Variants in LRRC74A observed in about 807,000 individuals in gnomAD.
The protein encoded by LRRC74A is leucine-rich repeat-containing protein 74A.
A neutral mutation model predicts 57.9 loss-of-function variants in LRRC74A; 44 were observed. The observed-to-expected ratio is 0.76, with a 90% CI of 0.60 to 0.98. The LOEUF is 0.98. Ranked by LOEUF, LRRC74A falls within the 50% of genes least tolerant of loss-of-function variation. The pLI, the probability that LRRC74A is intolerant of heterozygous loss-of-function variation, is 0.00. For synonymous variants in LRRC74A, 211 were observed against 219.4 expected (o/e 0.96, Z 0.34); for missense variants, 572 against 574.0 (o/e 1.00, Z 0.04).
chr14:76,844,391 A>G, intron 5 of LRRC74A, 32 bp from the exon 6 acceptor site: 1 of 1,601,766 alleles, frequency 6.2e-7, no homozygotes, highest in Non-Finnish European at 8.5e-7. Context: ...ATGGTCTAGC[A>G]GTGCATCACT....
At chr14:76,831,018 G>A (rs755032438) in intron 2 of LRRC74A, among the ~76,000 whole-genome samples, 185 bp from the exon 3 acceptor site, 4 of 152,232 alleles carry the variant, frequency 2.6e-5, no homozygotes, top group African/African-American at 4.8e-5. Flanking sequence ...ACTTTCTGGA[G>A]TTAGAGTCTC....
chr14:76,855,609 G>A (rs1366658603), intron 9 of LRRC74A, among the ~76,000 whole-genome samples: 2 of 152,146 alleles, frequency 1.3e-5, no homozygotes, highest in African/African-American at 2.4e-5. Context: ...CAGCCCTGAT[G>A]CCCCTTGCCC....
At chr14:76,827,665 A>T (rs911659102) in intron 1 of LRRC74A, among the ~76,000 whole-genome samples, 1 of 152,176 alleles carries the variant, frequency 6.6e-6, no homozygotes, top group Non-Finnish European at 1.5e-5. Context: ...ATTACTATGA[A>T]TTAATCATAG....
chr14:76,863,420 C>T (rs75714711), intron 11 of LRRC74A, among the ~76,000 whole-genome samples: 6,109 of 152,224 alleles, frequency 0.04, 265 homozygotes, highest in East Asian at 0.11. Context: ...TCACTGCAGG[C>T]CTGTGTACGG....
intron 7 of LRRC74A, among the ~76,000 whole-genome samples, chr14:76,850,844 C>CAAAAA (rs36208311): frequency 8.4e-5 from 11 of 130,922 alleles, no homozygotes; most frequent in South Asian, 2.7e-4. Context: ...AACTCTGTCT[C>CAAAAA]AAAAAAAAAA....
intron 3 of LRRC74A, among the ~76,000 whole-genome samples, chr14:76,833,588 C>T (rs1220641210): frequency 2.0e-5 from 3 of 151,528 alleles, no homozygotes; most frequent in Non-Finnish European, 2.9e-5. Context: ...ATTACAGGTG[C>T]GCACCACCAT....
chr14:76,867,115 GA>G (rs1205692367), intron 12 of LRRC74A, among the ~76,000 whole-genome samples: 7 of 5,414 alleles, frequency 1.3e-3, no homozygotes, highest in South Asian at 0.011. Context: ...GTGTTGGGGG[GA>G]TGGGGTGTGT....
intron 9 of LRRC74A, among the ~76,000 whole-genome samples, 193 bp from the exon 10 acceptor site, chr14:76,857,181 AATGGAT>A (rs1897965963): frequency 7.7e-6 from 1 of 130,314 alleles, no homozygotes; most frequent in Admixed American, 8.2e-5. Context: ...TGGATGGATG[AATGGAT>A]GGATGGATGG....
Position 76,866,065 on chromosome 14 carries a change from T to A in LRRC74A, c.1298T>A (p.Val433Glu). ...ATGTCTGTGGATGAGTTCCAGAAAG[T>A]GATGATAGAGGTGTGCTGGGTCCTA... ...MKMSVDEFQKVMIEQNKVPLN... is the reference protein window; with the variant it reads ...MKMSVDEFQKEMIEQNKVPLN... The change falls in exon 12 of 14, where the codon GTG becomes GAG. Residue 433 changes from valine to glutamate, a missense_variant. Coordinates refer to ENST00000689127, the MANE Select transcript of LRRC74A (RefSeq NM_001385106.1). 1 of 1,557,538 alleles carries A rather than the reference T, an allele frequency of 6.4e-7. No individual in the cohort carries two copies. The highest frequency in any genetic ancestry group is 8.8e-7 in the Non-Finnish European group (1 of 1,135,266).
intron 9 of LRRC74A, among the ~76,000 whole-genome samples, chr14:76,853,839 G>T (rs957376440): frequency 6.6e-6 from 1 of 151,996 alleles, no homozygotes; most frequent in Non-Finnish European, 1.5e-5. Flanking sequence ...TGCAACCTCC[G>T]CCTCCCAGGT....
At chr14:76,833,337 C>T (rs1195130915) in intron 3 of LRRC74A, among the ~76,000 whole-genome samples, 1 of 152,026 alleles carries the variant, frequency 6.6e-6, no homozygotes, top group South Asian at 2.1e-4. Context: ...AGTAGTCCAC[C>T]CTTACCCACA....
Position 76,828,291 on chromosome 14 carries a change from A to G in LRRC74A, c.38A>G (p.Asp13Gly). ...NDKPLQPETEDEIEIEPVRQS... is the reference protein window; with the variant it reads ...NDKPLQPETEGEIEIEPVRQS... ...CAAGGAGATGAGTTTTTTCTTCCAG[A>G]TGAGATTGAAATTGAGCCAGTACGA... Residue 13 changes from aspartate to glycine, a missense_variant and splice_region_variant, in exon 2 of 14, where the codon GAT (aspartate) becomes GGT (glycine). Asp to Gly is a moderately conservative substitution (Grantham distance 94, BLOSUM62 -1). Transcript: ENST00000689127. The G allele has an allele frequency of 6.3e-7, 1 of 1,589,220 alleles. No individual in the cohort carries two copies. The highest frequency in any genetic ancestry group is 8.6e-7 in the Non-Finnish European group (1 of 1,162,982).
chr14:76,827,898 T>C (rs8006563), intron 1 of LRRC74A, among the ~76,000 whole-genome samples: 44,141 of 152,064 alleles, frequency 0.29, 6,644 homozygotes, highest in South Asian at 0.43. Flanking sequence ...CATTTGTGCC[T>C]GACAATAAGG....
intron 3 of LRRC74A, among the ~76,000 whole-genome samples, chr14:76,833,435 ACT>A (rs1491117199): frequency 2.7e-5 from 3 of 110,154 alleles, no homozygotes; most frequent in Non-Finnish European, 5.3e-5. Context: ...CATTCACATC[ACT>A]TTTTTTTTTT....
At chr14:76,845,429 G>A (rs1320383661) in intron 7 of LRRC74A, among the ~76,000 whole-genome samples, 4 of 152,142 alleles carry the variant, frequency 2.6e-5, no homozygotes, top group African/African-American at 9.7e-5. Flanking sequence ...AAAACTTTAC[G>A]ATGATTAGAA....
At position 76,829,589 on chromosome 14, in the gene LRRC74A, C is replaced by T. The variant is rs142573379; in HGVS notation, c.166+1170C>T. 7.4e-4 allele frequency among the ~76,000 whole-genome samples: 113 copies of T among 152,306 alleles called. 1 individual carries two copies. The highest frequency in any genetic ancestry group is 1.8e-3 in the African/African-American group (74 of 41,558). On this transcript the variant is annotated intron_variant, in intron 2 of 13. Transcript: ENST00000689127. Reference sequence around the variant, plus strand: ...TGACTGCAGCAAGTGCTAACACTGTCGCAAGCTGCCCATAAAATATAACAA... The same window carrying T: ...TGACTGCAGCAAGTGCTAACACTGTTGCAAGCTGCCCATAAAATATAACAA...
At chr14:76,867,104 T>G (rs1595408236) in intron 12 of LRRC74A, among the ~76,000 whole-genome samples, 1 of 8,514 alleles carries the variant, frequency 1.2e-4, no homozygotes, top group African/African-American at 6.3e-4. Context: ...GTGGGGGGTG[T>G]GTGTTGGGGG....
rs1413503168 is a variant in LRRC74A, at chr14:76,853,513, A to G, written c.957+103A>G. 4 of 1,098,610 alleles carry G rather than the reference A, an allele frequency of 3.6e-6. No individual in the cohort carries two copies. The Admixed American group carries it at 1.1e-4, about 30-fold the overall frequency. The allele number at this position is 1,098,610 out of a possible 1,614,324, so 68.1% of individuals were successfully genotyped here. On this transcript the variant is annotated intron_variant, in intron 9 of 13. Coordinates refer to ENST00000689127, the MANE Select transcript of LRRC74A (RefSeq NM_001385106.1). ...GGGCTGCAGAGTACTGGAGAGAATAATTGGGAATATCTGTACTTCATATAT... is the reference window on the plus strand; with the variant it reads ...GGGCTGCAGAGTACTGGAGAGAATAGTTGGGAATATCTGTACTTCATATAT...
chr14:76,850,346 T>A (rs1897369399), intron 7 of LRRC74A, among the ~76,000 whole-genome samples: 1 of 152,036 alleles, frequency 6.6e-6, no homozygotes, highest in East Asian at 1.9e-4. Context: ...TAATCTAACT[T>A]GTGTGGCCAT....
Sources: allele counts gnomAD v4.1 joint callset (sites outside exome capture counted in the v4.1 genomes callset), GRCh38; gene constraint gnomAD v4.1.1; transcripts MANE v1.5; gene names NCBI Gene and HGNC (gene_info 2026-07-23, HGNC 2026-07-21).